PRKN: variants seen among roughly 807,000 people sequenced by gnomAD.
The protein encoded by PRKN is E3 ubiquitin-protein ligase parkin.
Under a neutral mutation model 59.5 loss-of-function variants are expected in PRKN, and 56 were observed. The observed-to-expected ratio is 0.94, with a 90% CI of 0.76 to 1.18. The LOEUF is 1.18. Among genes scored for constraint, PRKN ranks in the 50% most tolerant of loss-of-function variants. The pLI is 0.00. For synonymous variants in PRKN, 250 were observed against 222.1 expected, an observed-to-expected ratio of 1.13 and a Z score of -1.12; for missense variants, 657 against 596.4, an observed-to-expected ratio of 1.10 and a Z score of -1.06.
chr6:161,967,514 T>C (rs886395831), intron 6 of PRKN, among the ~76,000 whole-genome samples: 7 of 152,214 alleles, frequency 4.6e-5, no homozygotes, highest in Admixed American at 6.5e-5. Flanking sequence ...GTCAAAAAGT[T>C]AGCTTTGTGG....
At chr6:162,155,972 C>T (rs1337409308) in intron 4 of PRKN, among the ~76,000 whole-genome samples, 1 of 152,054 alleles carries the variant, frequency 6.6e-6, no homozygotes, top group Non-Finnish European at 1.5e-5. Flanking sequence ...TTCTTTAAAA[C>T]CATTTGATTT....
chr6:162,186,098 C>T (rs1012328715), intron 4 of PRKN, among the ~76,000 whole-genome samples: 7 of 151,926 alleles, frequency 4.6e-5, no homozygotes, highest in African/African-American at 1.7e-4. Flanking sequence ...CAACCTTACC[C>T]AATTCACATG....
At chr6:162,574,693 T>C (rs1780488029) in intron 1 of PRKN, among the ~76,000 whole-genome samples, 1 of 152,128 alleles carries the variant, frequency 6.6e-6, no homozygotes, top group Non-Finnish European at 1.5e-5. Context: ...CCCCAAAATG[T>C]TGAAGTAATT....
chr6:161,806,851 G>A (rs1372142529), intron 6 of PRKN, among the ~76,000 whole-genome samples: 5 of 152,150 alleles, frequency 3.3e-5, no homozygotes, highest in Non-Finnish European at 7.4e-5. Flanking sequence ...TTGATATTAA[G>A]CTGTAAAGAG....
chr6:161,403,482 C>T (rs1357685865), intron 9 of PRKN, among the ~76,000 whole-genome samples: 4 of 152,056 alleles, frequency 2.6e-5, no homozygotes, highest in African/African-American at 4.8e-5. Context: ...CTCATGGGGT[C>T]GGTTATTGTT....
chr6:162,006,940 G>A (rs1782279569), intron 5 of PRKN, among the ~76,000 whole-genome samples: 1 of 102,236 alleles, frequency 9.8e-6, no homozygotes, highest in African/African-American at 3.7e-5. Context: ...TTAGAAGAGC[G>A]CCAGCACATT....
intron 5 of PRKN, among the ~76,000 whole-genome samples, chr6:162,036,099 C>T (rs892624287): frequency 5.3e-5 from 8 of 151,750 alleles, no homozygotes; most frequent in East Asian, 2.0e-4. Context: ...CCGAGGCGGG[C>T]GGATCACGAG....
chr6:161,768,076 AG>A (rs1163573831), intron 7 of PRKN, among the ~76,000 whole-genome samples: 1 of 109,800 alleles, frequency 9.1e-6, no homozygotes, highest in Non-Finnish European at 2.1e-5. Flanking sequence ...AGTCTAATTA[AG>A]TTTTTTTTTT....
chr6:162,470,911 C>T (rs953566528), intron 1 of PRKN, among the ~76,000 whole-genome samples: 3 of 151,506 alleles, frequency 2.0e-5, no homozygotes, highest in African/African-American at 4.9e-5. Flanking sequence ...TGTGCGCCAC[C>T]ATGCCTAATT....
At chr6:161,973,129 C>G (rs1780887045) in intron 6 of PRKN, among the ~76,000 whole-genome samples, 173 bp downstream of exon 6, 1 of 152,096 alleles carries the variant, frequency 6.6e-6, no homozygotes. Flanking sequence ...AAAATATACC[C>G]AAATTGGGCA....
At chr6:161,671,132 C>A (rs1784893199) in intron 7 of PRKN, among the ~76,000 whole-genome samples, 1 of 152,118 alleles carries the variant, frequency 6.6e-6, no homozygotes, top group African/African-American at 2.4e-5. Context: ...ACTCTCTGAG[C>A]CCGGGCGCAG....
intron 7 of PRKN, among the ~76,000 whole-genome samples, chr6:161,608,080 G>A (rs1431577565): frequency 1.3e-5 from 2 of 152,130 alleles, no homozygotes; most frequent in African/African-American, 2.4e-5. Flanking sequence ...CCTGGCATTC[G>A]GGACAATGTG....
intron 2 of PRKN, among the ~76,000 whole-genome samples, chr6:162,366,774 A>C (rs1785461148): frequency 6.6e-6 from 1 of 152,060 alleles, no homozygotes; most frequent in Non-Finnish European, 1.5e-5. Context: ...GTGTGGTGGT[A>C]CATAATCCCA....
intron 7 of PRKN, among the ~76,000 whole-genome samples, chr6:161,669,608 C>T (rs1262644581): frequency 1.3e-5 from 2 of 152,254 alleles, no homozygotes; most frequent in Admixed American, 6.5e-5. Context: ...TCTTACCACA[C>T]AGAGAGACAG....
In PRKN at chr6:161,377,252, T is replaced by C. The variant is rs1785756116; in HGVS notation, c.1167+9542A>G. Among the ~76,000 whole-genome samples, 1 of 152,188 alleles carries C rather than the reference T, an allele frequency of 6.6e-6. No individual in the cohort carries two copies. The highest frequency in any genetic ancestry group is 1.5e-5 in the Non-Finnish European group (1 of 68,036). The stretch of plus-strand genomic sequence containing the variant: ...TGGAGTTGGAGCATCTGTGCAGCAA[T>C]TGTCATAAGACAGAAGTGGGGCATC... On this transcript the variant is annotated intron_variant, in intron 10 of 11. Coordinates refer to ENST00000366898, the MANE Select transcript of PRKN (RefSeq NM_004562.3). This position sits in a 1 kb window ranked among gnomAD's most constrained non-coding sequence, Gnocchi z 4.2.
At chr6:162,561,345 A>C (rs1362707654) in intron 1 of PRKN, among the ~76,000 whole-genome samples, 1 of 152,204 alleles carries the variant, frequency 6.6e-6, no homozygotes, top group Non-Finnish European at 1.5e-5. Context: ...GAAAGAAGAA[A>C]GCCAATGACT....
rs969589938 is a variant in PRKN at position 161,578,563 on chromosome 6, C to A, written c.872-9147G>T. 6.6e-6 allele frequency among the ~76,000 whole-genome samples: 1 copy of A among 152,166 alleles called. No homozygotes were observed. The highest frequency in any genetic ancestry group is 2.4e-5 in the African/African-American group (1 of 41,432). On this transcript the variant is annotated intron_variant, in intron 7 of 11. Transcript: ENST00000366898. The surrounding 1 kb of genome is among the most constrained non-coding windows in gnomAD (Gnocchi z 4.2). ...TACTATGTCATTGATCTGCTCAACT[C>A]CAATCAGTTTCCCACTTGAAAGATC...
chr6:161,640,386 G>A (rs1783695162), intron 7 of PRKN, among the ~76,000 whole-genome samples: 1 of 152,148 alleles, frequency 6.6e-6, no homozygotes, highest in Non-Finnish European at 1.5e-5. Context: ...TGGTCTGGAA[G>A]GCACTCACTG....
chr6:161,939,378 A>T (rs915818371), intron 6 of PRKN, among the ~76,000 whole-genome samples: 6 of 133,740 alleles, frequency 4.5e-5, no homozygotes, highest in Non-Finnish European at 9.2e-5. Context: ...AGATCGTTCC[A>T]CTGCACTCCA....
Sources: gnomAD v4.1 joint callset for allele counts (sites outside exome capture counted in the v4.1 genomes callset) on GRCh38, gnomAD v4.1.1 for gene constraint, Gnocchi (gnomAD v3.1) non-coding constraint, MANE v1.5 for transcripts, NCBI Gene and HGNC (gene_info 2026-07-23, HGNC 2026-07-21) for gene names.